GNB4: variants seen among roughly 807,000 people sequenced by gnomAD.
GNB4 encodes the protein guanine nucleotide-binding protein subunit beta-4.
GNB4 carries 28 observed loss-of-function variants against 45.2 expected under a neutral mutation model. The observed-to-expected ratio is 0.62, with a 90% CI of 0.46 to 0.85. GNB4 has a LOEUF of 0.85. GNB4 is among the 40% of genes least tolerant of loss of function. GNB4 has a pLI of 0.00. For missense variants in GNB4, 321 were observed against 425.4 expected (o/e 0.75, Z 2.16); for synonymous variants, 132 against 143.7 (o/e 0.92, Z 0.58).
chr3:179,400,102 A>G lies in GNB4; in HGVS notation c.*1111T>C, dbSNP rs1714241410. 1 of 152,256 alleles carries G rather than the reference A, an allele frequency of 6.6e-6. No homozygotes were observed. Among genetic ancestry groups the G allele is most frequent in the Admixed American group, 6.5e-5 (1 of 15,286 alleles). The allele number at this position is 152,256 out of a possible 1,614,324, so 9.4% of individuals were successfully genotyped here. A position where few individuals can be genotyped will look rare whatever the true frequency, so the allele number is the denominator to read the frequency against. ...TATTTTGTGCTAAGGAAGGGAAGAAATACTACAAAATGTTGCAAAACAGAA... is the reference window on the plus strand; with the variant it reads ...TATTTTGTGCTAAGGAAGGGAAGAAGTACTACAAAATGTTGCAAAACAGAA... On this transcript the variant is annotated 3_prime_UTR_variant, in exon 10 of 10. Transcript: ENST00000232564.
intron 1 of GNB4, among the ~76,000 whole-genome samples, chr3:179,439,458 C>T (rs1423406117): frequency 6.6e-6 from 1 of 152,100 alleles, no homozygotes; most frequent in African/African-American, 2.4e-5. Context: ...AAGATGGCTA[C>T]AAAGATGAAA....
chr3:179,464,921 G>A, the GNB4 span: 1 of 1,531,110 alleles, frequency 6.5e-7, no homozygotes, highest in Non-Finnish European at 9.0e-7. Flanking sequence ...TCCAACCCTA[G>A]GGAAGAATGT....
At chr3:179,416,369 T>C (rs1271814591) in intron 5 of GNB4, 124 bp downstream of exon 5, 17 of 628,658 alleles carry the variant, frequency 2.7e-5, no homozygotes, top group Non-Finnish European at 4.7e-5. Flanking sequence ...AAGAACTAGA[T>C]TAAAATAAAC....
At chr3:179,484,499 C>A in the GNB4 span, among the ~76,000 whole-genome samples, 1 of 152,158 alleles carries the variant, frequency 6.6e-6, no homozygotes, top group South Asian at 2.1e-4. Flanking sequence ...GCCTGATGTG[C>A]CAATTCATAA....
At position 179,401,213 on chromosome 3, in the gene GNB4, T is replaced by C. The variant is rs1451493414; in HGVS notation, c.1023A>G (p.Ter341=). The change falls in exon 10 of 10, where the codon TAA becomes TAG. Residue 341 remains the stop codon, a stop_retained_variant. Transcript: ENST00000232564. ...TGGAGAACAAATATGTATGACACTGTTAATTCCAGATTCTAAGAAAACTGT... is the reference window on the plus strand; with the variant it reads ...TGGAGAACAAATATGTATGACACTGCTAATTCCAGATTCTAAGAAAACTGT... The part of the protein sequence containing the change: ...SWDSFLRIWN[*] 4 of 1,604,878 alleles carry C rather than the reference T, an allele frequency of 2.5e-6. No individual in the cohort carries two copies. In the South Asian group the frequency reaches 3.3e-5, roughly 13 times the overall value.
At chr3:179,482,681 TA>T in the GNB4 span, among the ~76,000 whole-genome samples, 4 of 152,224 alleles carry the variant, frequency 2.6e-5, no homozygotes, top group Non-Finnish European at 5.9e-5. Flanking sequence ...ACACTGCAGT[TA>T]ATCTTCACTA....
At chr3:179,509,010 T>A in the GNB4 span, among the ~76,000 whole-genome samples, 2 of 146,968 alleles carry the variant, frequency 1.4e-5, no homozygotes, top group Non-Finnish European at 3.0e-5. Context: ...CTGTGATTTT[T>A]AAAAAATTTC....
chr3:179,485,282 G>A, the GNB4 span, among the ~76,000 whole-genome samples: 2 of 152,042 alleles, frequency 1.3e-5, no homozygotes, highest in African/African-American at 4.8e-5. Context: ...AAAGTGCTGG[G>A]ATTATAGGTG....
intron 1 of GNB4, among the ~76,000 whole-genome samples, chr3:179,446,943 T>G (rs1256319789): frequency 6.6e-6 from 1 of 152,172 alleles, no homozygotes; most frequent in Non-Finnish European, 1.5e-5. Flanking sequence ...CTCTAGAGAT[T>G]CGGTAGTAAA....
intron 5 of GNB4, 152 bp downstream of exon 5, chr3:179,416,341 A>G: frequency 1.8e-6 from 1 of 556,268 alleles, no homozygotes; most frequent in Non-Finnish European, 3.2e-6. Flanking sequence ...ATTAAAAGTA[A>G]ACACTAAGAC....
intron 2 of GNB4, among the ~76,000 whole-genome samples, chr3:179,425,755 G>A (rs1215249672): frequency 6.6e-6 from 1 of 152,224 alleles, no homozygotes; most frequent in East Asian, 1.9e-4. Context: ...ACAGGCATGA[G>A]CCACTGTGCC....
intron 1 of GNB4, among the ~76,000 whole-genome samples, chr3:179,434,215 C>T (rs1347128766): frequency 6.6e-6 from 1 of 152,260 alleles, no homozygotes; most frequent in East Asian, 1.9e-4. Context: ...AACACCAATG[C>T]CCACTGACAG....
the GNB4 span, among the ~76,000 whole-genome samples, chr3:179,475,162 G>A: frequency 6.6e-6 from 1 of 151,782 alleles, no homozygotes; most frequent in Admixed American, 6.6e-5. Context: ...CTCTGTCCCA[G>A]GCTTGAGTGC....
At chr3:179,464,599 T>G in the GNB4 span, 3 of 1,380,842 alleles carry the variant, frequency 2.2e-6, no homozygotes, top group Admixed American at 5.0e-5. Context: ...CACTCCTACG[T>G]CCTCAACAAA....
chr3:179,408,258 C>A (rs1714535954), intron 8 of GNB4, among the ~76,000 whole-genome samples: 1 of 151,784 alleles, frequency 6.6e-6, no homozygotes, highest in African/African-American at 2.4e-5. Flanking sequence ...AATTAACAGA[C>A]AAGGACAACA....
the GNB4 span, among the ~76,000 whole-genome samples, chr3:179,498,780 A>G: frequency 2.2e-5 from 1 of 45,498 alleles, no homozygotes; most frequent in Non-Finnish European, 4.3e-5. Context: ...CTCTTTCTTT[A>G]TTATATTTTA....
Position 179,399,965 on chromosome 3 carries a change from T to TTA in GNB4, c.*1246_*1247dup, listed in dbSNP as rs1332650063. On this transcript the variant is annotated 3_prime_UTR_variant, in exon 10 of 10. Transcript: ENST00000232564. ...CATTATTATACCACAGAAAAACTGT[T>TTA]TAATATAGCTCTCTAACTCCTTTAA... The TTA allele has an allele frequency of 3.9e-5, 6 of 152,328 alleles. No individual in the cohort carries two copies. The highest frequency in any genetic ancestry group is 1.2e-4 in the African/African-American group (5 of 41,570). 9.4% of individuals were successfully genotyped at this position (152,328 alleles called of 1,614,324 possible).
chr3:179,513,008 A>G, the GNB4 span, among the ~76,000 whole-genome samples: 1 of 150,942 alleles, frequency 6.6e-6, no homozygotes, highest in Non-Finnish European at 1.5e-5. Context: ...ATTTTTTTTT[A>G]TATCTCGTGG....
chr3:179,454,237 G>A (rs796357774), upstream of GNB4, among the ~76,000 whole-genome samples: 23 of 152,342 alleles, frequency 1.5e-4, no homozygotes, highest in African/African-American at 5.3e-4. Context: ...AGAGAGCATA[G>A]TGGGGTCCCT....
Sources: allele counts gnomAD v4.1 joint callset (sites outside exome capture counted in the v4.1 genomes callset), GRCh38; gene constraint gnomAD v4.1.1; transcripts MANE v1.5; gene names NCBI Gene and HGNC (gene_info 2026-07-23, HGNC 2026-07-21).